NEGR1: variants seen among roughly 807,000 people sequenced by gnomAD.
NEGR1 encodes IgLON family member 4.
NEGR1 carries 10 observed loss-of-function variants against 40.9 expected under a neutral mutation model. The ratio of observed to expected loss-of-function variants is 0.24; its 90% CI spans 0.15 to 0.42. The LOEUF is 0.42. Ranked by LOEUF, NEGR1 falls within the 10% of genes least tolerant of loss-of-function variation. The pLI is 1.00. For missense variants in NEGR1, 352 were observed against 438.9 expected (o/e 0.80, Z 1.77); for synonymous variants, 185 against 166.8 (o/e 1.11, Z -0.84).
intron 2 of NEGR1, among the ~76,000 whole-genome samples, chr1:71,816,389 T>A (rs2101769635): frequency 6.6e-6 from 1 of 152,148 alleles, no homozygotes. Context: ...TAATTTATTT[T>A]AAAAAGGGGC....
chr1:71,452,515 A>G (rs573017144), intron 6 of NEGR1, among the ~76,000 whole-genome samples: 1 of 152,300 alleles, frequency 6.6e-6, no homozygotes, highest in South Asian at 2.1e-4. Flanking sequence ...GTGAAGAAAG[A>G]ATTCACTGGA....
chr1:72,001,190 T>C lies in NEGR1; in HGVS notation c.177-65879A>G, dbSNP rs951526769. Among the ~76,000 whole-genome samples, 4 of 152,134 alleles carry C rather than the reference T, an allele frequency of 2.6e-5. No individual in the cohort carries two copies. The East Asian group carries it at 5.8e-4, about 22-fold the overall frequency. ...TCTTATAAAAGCTTCTGTATTCAAC[T>C]GTGAAATGGCAACCATTTTTTCAGG... On this transcript the variant is annotated intron_variant, in intron 1 of 6. Transcript: ENST00000357731.
intron 4 of NEGR1, among the ~76,000 whole-genome samples, chr1:71,646,598 G>A (rs1233232848): frequency 1.3e-5 from 2 of 151,740 alleles, no homozygotes; most frequent in Non-Finnish European, 2.9e-5. Context: ...ATCTGTTTGA[G>A]GAATGAAAAT....
chr1:71,426,786 A>G (rs1222218842), intron 6 of NEGR1, among the ~76,000 whole-genome samples: 1 of 152,218 alleles, frequency 6.6e-6, no homozygotes. Context: ...TGTTTTCAAA[A>G]GCTAACAAAT....
intron 1 of NEGR1, among the ~76,000 whole-genome samples, chr1:72,017,184 A>G (rs928934389): frequency 2.0e-5 from 3 of 151,940 alleles, no homozygotes; most frequent in Non-Finnish European, 4.4e-5. Context: ...AAAGGAATAT[A>G]TAACATGAGT....
At chr1:72,141,567 A>C (rs1650679319) in intron 1 of NEGR1, among the ~76,000 whole-genome samples, 1 of 152,028 alleles carries the variant, frequency 6.6e-6, no homozygotes, top group East Asian at 1.9e-4. Flanking sequence ...GGTACCTCTT[A>C]TTAAAGTTCA....
chr1:71,823,674 A>C (rs1195742120), intron 2 of NEGR1, among the ~76,000 whole-genome samples: 1 of 152,022 alleles, frequency 6.6e-6, no homozygotes, highest in Admixed American at 6.6e-5. Flanking sequence ...GCTTCACACC[A>C]GAGTTTCCAG....
intron 1 of NEGR1, among the ~76,000 whole-genome samples, chr1:72,268,266 A>G (rs2100554434): frequency 6.6e-6 from 1 of 151,600 alleles, no homozygotes; most frequent in Admixed American, 6.6e-5. Flanking sequence ...ACTGTGTCTG[A>G]CACTGCTTTT....
chr1:71,853,725 A>C (rs1659680162), intron 2 of NEGR1, among the ~76,000 whole-genome samples: 1 of 152,176 alleles, frequency 6.6e-6, no homozygotes, highest in Non-Finnish European at 1.5e-5. Context: ...GTCAAGAGAC[A>C]GTAGAAGAAA....
intron 1 of NEGR1, among the ~76,000 whole-genome samples, chr1:72,150,045 T>C (rs1250360027): frequency 6.6e-6 from 1 of 152,148 alleles, no homozygotes. Flanking sequence ...TGTTGTTGTC[T>C]TCACATATCA....
At chr1:72,267,503 A>G (rs1347662656) in intron 1 of NEGR1, among the ~76,000 whole-genome samples, 1 of 151,294 alleles carries the variant, frequency 6.6e-6, no homozygotes, top group Non-Finnish European at 1.5e-5. Context: ...TGTCTGTAAG[A>G]AAATAGTTAT....
chr1:71,606,475 G>A (rs969888667), intron 5 of NEGR1, among the ~76,000 whole-genome samples: 1 of 152,182 alleles, frequency 6.6e-6, no homozygotes, highest in Admixed American at 6.5e-5. Context: ...GCTTGAGATA[G>A]TTAGTGCTTA....
chr1:71,821,576 C>G (rs1658431405), intron 2 of NEGR1, among the ~76,000 whole-genome samples: 1 of 151,902 alleles, frequency 6.6e-6, no homozygotes, highest in Non-Finnish European at 1.5e-5. Context: ...GAGGTTCAGG[C>G]TAAGGTGCAA....
chr1:72,252,307 G>A (rs968753013), intron 1 of NEGR1, among the ~76,000 whole-genome samples: 1 of 152,114 alleles, frequency 6.6e-6, no homozygotes, highest in Non-Finnish European at 1.5e-5. Flanking sequence ...GCCTCCCAAA[G>A]TGCTAGGATT....
At chr1:71,989,762 G>T (rs951664546) in intron 1 of NEGR1, among the ~76,000 whole-genome samples, 1 of 152,064 alleles carries the variant, frequency 6.6e-6, no homozygotes, top group South Asian at 2.1e-4. Flanking sequence ...AATAAAATAT[G>T]AAACAGAATA....
chr1:72,218,200 A>G (rs1193277465), intron 1 of NEGR1, among the ~76,000 whole-genome samples: 2 of 151,914 alleles, frequency 1.3e-5, no homozygotes, highest in African/African-American at 4.8e-5. Flanking sequence ...CTATTGTGAC[A>G]CATTTGAGGC....
intron 6 of NEGR1, among the ~76,000 whole-genome samples, chr1:71,591,999 A>G (rs1649517238): frequency 1.3e-5 from 2 of 152,114 alleles, no homozygotes; most frequent in South Asian, 4.1e-4. Flanking sequence ...TAACTCTAAG[A>G]GATAAGGATA....
chr1:71,416,491 T>C (rs1404392420), intron 6 of NEGR1, among the ~76,000 whole-genome samples: 1 of 152,232 alleles, frequency 6.6e-6, no homozygotes, highest in African/African-American at 2.4e-5. Context: ...TTCTTCGATT[T>C]TTCCAGTGAA....
chr1:72,263,825 GA>G (rs1655548227), intron 1 of NEGR1, among the ~76,000 whole-genome samples: 2 of 151,476 alleles, frequency 1.3e-5, no homozygotes, highest in Admixed American at 6.6e-5. Flanking sequence ...AAATGACAAT[GA>G]AAAAAGATGT....
Sources: allele counts gnomAD v4.1 joint callset (sites outside exome capture counted in the v4.1 genomes callset), GRCh38; gene constraint gnomAD v4.1.1; transcripts MANE v1.5; gene names NCBI Gene and HGNC (gene_info 2026-07-23, HGNC 2026-07-21).